Variants in TRIM49C observed in about 807,000 individuals in gnomAD.
The protein encoded by TRIM49C is tripartite motif containing 49C, also known as tripartite motif-containing protein 49C.
In TRIM49C, 6 loss-of-function variants were observed where a neutral mutation model predicts 21.4. The ratio of observed to expected loss-of-function variants is 0.28; its 90% CI spans 0.15 to 0.55. TRIM49C has a LOEUF of 0.55. TRIM49C is among the 20% of genes least tolerant of loss of function. The pLI is 0.94. For missense variants in TRIM49C, 161 were observed against 442.4 expected (o/e 0.36, Z 5.71); for synonymous variants, 57 against 148.1 (o/e 0.38, Z 4.47).
At chr11:90,055,688 C>A in the TRIM49C span, among the ~76,000 whole-genome samples, 154 of 146,570 alleles carry the variant, frequency 1.1e-3, 1 homozygote, top group African/African-American at 3.7e-3. Flanking sequence ...GCCAAATACT[C>A]TTGTCCCTCC....
the TRIM49C span, among the ~76,000 whole-genome samples, chr11:90,064,584 G>T: frequency 1.4e-4 from 18 of 126,748 alleles, no homozygotes; most frequent in African/African-American, 1.7e-4. Flanking sequence ...TTTTTTTTTT[G>T]GTTGTTGTTG....
the TRIM49C span, among the ~76,000 whole-genome samples, chr11:90,065,813 G>A: frequency 7.3e-6 from 1 of 137,120 alleles, no homozygotes; most frequent in Admixed American, 8.4e-5. Flanking sequence ...AAAATTAACC[G>A]AGTTCGGCGG....
At chr11:90,062,406 A>G in the TRIM49C span, among the ~76,000 whole-genome samples, 15 of 139,064 alleles carry the variant, frequency 1.1e-4, no homozygotes, top group Admixed American at 2.2e-4. Context: ...CGAAGTCTCA[A>G]CACAGCTGTG....
the TRIM49C span, among the ~76,000 whole-genome samples, chr11:90,066,063 C>T: frequency 7.2e-6 from 1 of 139,064 alleles, no homozygotes; most frequent in Non-Finnish European, 1.6e-5. Flanking sequence ...CTCTGTCGCC[C>T]AGGCTGGAGT....
Position 90,039,797 on chromosome 11 carries a change from A to G in TRIM49C, c.762-68A>G, listed in dbSNP as rs1271058949. 4 of 1,369,200 alleles carry G rather than the reference A, an allele frequency of 2.9e-6. 1 individual carries two copies. Among genetic ancestry groups the G allele is most frequent in the Non-Finnish European group, 3.9e-6 (4 of 1,021,002 alleles). 84.8% of individuals were successfully genotyped at this position (1,369,200 alleles called of 1,614,324 possible). On this transcript the variant is annotated intron_variant, in intron 6 of 7. Transcript: ENST00000448984. ...AAAGGATTCTCATGAAATGTCTTTT[A>G]TATACAAATAGTGATTTTTATTTAT...
At chr11:90,043,495 T>A (rs953397388), downstream of TRIM49C, among the ~76,000 whole-genome samples, 2 of 122,190 alleles carry the variant, frequency 1.6e-5, no homozygotes, top group Admixed American at 9.1e-5. Context: ...ATTATAGGTA[T>A]TTTAAATATT....
the TRIM49C span, among the ~76,000 whole-genome samples, chr11:90,054,565 T>C: frequency 4.0e-4 from 54 of 135,484 alleles, 4 homozygotes; most frequent in African/African-American, 1.3e-3. Flanking sequence ...AAAAAATCTG[T>C]AACCAGGCTA....
chr11:90,071,416 G>A, the TRIM49C span, among the ~76,000 whole-genome samples: 460 of 128,594 alleles, frequency 3.6e-3, 1 homozygote, highest in Admixed American at 6.1e-3. Context: ...TTCAATGCAG[G>A]AGTTGCTAGA....
At position 90,039,293 on chromosome 11, in the gene TRIM49C, T is replaced by A. The variant is rs1210065767; in HGVS notation, c.762-572T>A. 3.9e-5 allele frequency among the ~76,000 whole-genome samples: 5 copies of A among 128,868 alleles called. 1 individual carries two copies. Among genetic ancestry groups the A allele is most frequent in the African/African-American group, 1.5e-4 (5 of 33,474 alleles). The allele number at this position is 128,868 out of a possible 152,430, so 84.5% of individuals were successfully genotyped here. ...TTTTGTTTTGTGAATGGTGAGAAAGTCACCAGAGGAAGCAGGAGAGAAGAG... is the reference window on the plus strand; with the variant it reads ...TTTTGTTTTGTGAATGGTGAGAAAGACACCAGAGGAAGCAGGAGAGAAGAG... On this transcript the variant is annotated intron_variant, in intron 6 of 7. Coordinates refer to ENST00000448984, the MANE Select transcript of TRIM49C (RefSeq NM_001195234.1).
At chr11:90,070,516 A>T in the TRIM49C span, among the ~76,000 whole-genome samples, 1 of 129,778 alleles carries the variant, frequency 7.7e-6, no homozygotes, top group African/African-American at 2.9e-5. Context: ...TTCCATAACT[A>T]CAGGAAGATC....
the TRIM49C span, among the ~76,000 whole-genome samples, chr11:90,062,361 T>C: frequency 9.6e-5 from 13 of 136,020 alleles, no homozygotes; most frequent in African/African-American, 2.3e-4. Context: ...CCATTCTATA[T>C]GTTTGAACAA....
the TRIM49C span, among the ~76,000 whole-genome samples, chr11:90,056,120 G>A: frequency 2.2e-5 from 3 of 135,370 alleles, no homozygotes; most frequent in South Asian, 4.9e-4. Flanking sequence ...CACCGCGCCC[G>A]GCTAATTTTT....
chr11:90,059,810 G>A, the TRIM49C span, among the ~76,000 whole-genome samples: 2,927 of 142,794 alleles, frequency 0.02, 52 homozygotes, highest in African/African-American at 0.042. Context: ...CCTAGAACTG[G>A]GTGTATGGTG....
the TRIM49C span, among the ~76,000 whole-genome samples, chr11:90,064,569 C>CTT: frequency 1.3e-4 from 16 of 118,942 alleles, no homozygotes; most frequent in East Asian, 5.1e-4. Context: ...TTCTTTCTAT[C>CTT]TTTTTTTTTT....
chr11:90,064,311 T>C, the TRIM49C span, among the ~76,000 whole-genome samples: 1 of 151,522 alleles, frequency 6.6e-6, no homozygotes. Context: ...GAGAGAACAC[T>C]TTCACATTCT....
Position 90,039,255 on chromosome 11 carries a change from A to G in TRIM49C, c.761+540A>G, listed in dbSNP as rs1950751332. ...TTTATTGCTTGAAAGCCTGCACAGG[A>G]GAAAGATAAGAGTTTTGTTTTGTGA... On this transcript the variant is annotated intron_variant, in intron 6 of 7. Coordinates refer to ENST00000448984, the MANE Select transcript of TRIM49C (RefSeq NM_001195234.1). Among the ~76,000 whole-genome samples, 3 of 127,874 alleles carry G rather than the reference A, an allele frequency of 2.3e-5. 1 individual carries two copies. The South Asian group carries it at 8.6e-4, about 36-fold the overall frequency. 83.9% of individuals were successfully genotyped at this position (127,874 alleles called of 152,430 possible).
the TRIM49C span, chr11:90,057,861 T>G: frequency 7.6e-7 from 1 of 1,321,450 alleles, no homozygotes; most frequent in Non-Finnish European, 1.0e-6. Context: ...GATATTGGTA[T>G]CTGCTGTTCT....
the TRIM49C span, among the ~76,000 whole-genome samples, chr11:90,060,420 C>T: frequency 0.099 from 14,249 of 143,776 alleles, 25 homozygotes; most frequent in East Asian, 0.22. Flanking sequence ...ATGTTAATAA[C>T]AGAACCTCAA....
the TRIM49C span, chr11:90,062,742 T>C: frequency 6.7e-7 from 1 of 1,484,646 alleles, no homozygotes; most frequent in Non-Finnish European, 9.0e-7. Context: ...GTCTGAGCTG[T>C]TGATGTTCTG....
Sources: gnomAD v4.1 joint callset for allele counts (sites outside exome capture counted in the v4.1 genomes callset) on GRCh38, gnomAD v4.1.1 for gene constraint, MANE v1.5 for transcripts, NCBI Gene and HGNC (gene_info 2026-07-23, HGNC 2026-07-21) for gene names.